UBE3C: variants seen among roughly 807,000 people sequenced by gnomAD.
The protein encoded by UBE3C is ubiquitin protein ligase E3C, also known as ubiquitin-protein ligase E3C.
In UBE3C, 42 loss-of-function variants were observed where a neutral mutation model predicts 129.4. The observed-to-expected ratio is 0.32, with a 90% confidence interval of 0.25 to 0.42. The LOEUF (loss-of-function observed/expected upper bound fraction) is 0.42. Among genes scored for constraint, UBE3C ranks in the 10% least tolerant of loss-of-function variants. The probability of loss-of-function intolerance (pLI) is 1.00; values close to 1 mark genes in which losing one functional copy is unlikely to be tolerated. For synonymous variants in UBE3C, 510 were observed against 492.4 expected (o/e 1.04, Z -0.47); for missense variants, 1,049 against 1,319.1 (o/e 0.80, Z 3.17).
intron 1 of UBE3C, among the ~76,000 whole-genome samples, 172 bp downstream of exon 1, chr7:157,139,510 G>A (rs919125501): frequency 1.3e-5 from 2 of 151,806 alleles, no homozygotes; most frequent in East Asian, 1.9e-4. Flanking sequence ...GGGCCGCTCC[G>A]GCCGGGACTC....
At chr7:157,193,711 T>C (rs1809038304) in intron 10 of UBE3C, among the ~76,000 whole-genome samples, 1 of 152,138 alleles carries the variant, frequency 6.6e-6, no homozygotes, top group Non-Finnish European at 1.5e-5. Context: ...AGCAGACATT[T>C]GAAACTTTTT....
intron 22 of UBE3C, among the ~76,000 whole-genome samples, chr7:157,261,308 A>G (rs1026174148): frequency 0.016 from 27 of 1,732 alleles, 4 homozygotes; most frequent in East Asian, 0.083. Context: ...CTCTGTCTGA[A>G]AAAAAAAAAA....
At chr7:157,142,469 C>A (rs1004176133) in intron 1 of UBE3C, among the ~76,000 whole-genome samples, 1 of 151,992 alleles carries the variant, frequency 6.6e-6, no homozygotes, top group African/African-American at 2.4e-5. Flanking sequence ...TCTAAATTTC[C>A]CTTGGTCCTG....
rs996214548 is a variant in UBE3C at position 157,163,832 on chromosome 7, A to G, written c.89A>G (p.His30Arg). ...TAGGAGGAAAAGGCTTCTCTTTTACATCGTACTCAGGAAGAAAGAAGAAAG... is the reference window on the plus strand; with the variant it reads ...TAGGAGGAAAAGGCTTCTCTTTTACGTCGTACTCAGGAAGAAAGAAGAAAG... ...SRKEEKASLL[H>R]RTQEERRKRE... Residue 30 changes from histidine (H) to arginine (R), a missense_variant, in exon 2 of 23, where the codon CAT (histidine) becomes CGT (arginine). Physicochemically the swap from His to Arg is conservative, Grantham distance 29. Transcript: ENST00000348165. 4 of 1,613,542 alleles carry G rather than the reference A, an allele frequency of 2.5e-6. No individual in the cohort carries two copies. The highest frequency in any genetic ancestry group is 2.2e-5 in the East Asian group (1 of 44,810).
intron 22 of UBE3C, among the ~76,000 whole-genome samples, chr7:157,267,006 G>T (rs1256928216): frequency 6.6e-6 from 1 of 152,156 alleles, no homozygotes; most frequent in African/African-American, 2.4e-5. Context: ...CTCCCAAAGT[G>T]CTGGGACTAC....
intron 2 of UBE3C, chr7:157,164,344 A>C: frequency 4.4e-6 from 2 of 456,304 alleles, no homozygotes; most frequent in South Asian, 3.1e-5. Flanking sequence ...TTTTACATAG[A>C]TAGGGTCTTG....
At chr7:157,166,969 A>T (rs1269419758) in intron 2 of UBE3C, among the ~76,000 whole-genome samples, 1 of 151,442 alleles carries the variant, frequency 6.6e-6, no homozygotes, top group African/African-American at 2.4e-5. Flanking sequence ...TTGCTCTGTC[A>T]CCCAGGCTGG....
chr7:157,175,008 A>T lies in UBE3C; in HGVS notation c.432A>T (p.Ile144=), dbSNP rs1210140034. 1.2e-6 allele frequency: 2 copies of T among 1,612,012 alleles called. No individual in the cohort carries two copies. Among genetic ancestry groups the T allele is most frequent in the Non-Finnish European group, 1.7e-6 (2 of 1,179,156 alleles). The change falls in exon 5 of 23, where the codon ATA becomes ATT. Residue 144 remains isoleucine, a synonymous_variant. Coordinates refer to ENST00000348165, the MANE Select transcript of UBE3C (RefSeq NM_014671.3). ...AGAGACTTACATGCTTATTTCAGAT[A>T]AAAAGATTGATGAGCCTCTGTTGCA... is the stretch of plus-strand genomic sequence containing the variant. ...GSERLTCLFQ[I]KRLMSLCCRL...
At chr7:157,240,306 C>T (rs977800811) in intron 18 of UBE3C, among the ~76,000 whole-genome samples, 1 of 152,124 alleles carries the variant, frequency 6.6e-6, no homozygotes, top group African/African-American at 2.4e-5. Context: ...CCGCCCACCT[C>T]AGCCTCCCAA....
chr7:157,203,937 CTCAAAATATGTGCAT>C (rs1809359294), intron 11 of UBE3C, among the ~76,000 whole-genome samples: 1 of 152,166 alleles, frequency 6.6e-6, no homozygotes, highest in African/African-American at 2.4e-5. Flanking sequence ...CTAAAACGTG[CTCAAAATATGTGCAT>C]TAGCCTACAG....
chr7:157,217,763 G>C (rs1444951212), intron 14 of UBE3C, among the ~76,000 whole-genome samples: 1 of 152,142 alleles, frequency 6.6e-6, no homozygotes, highest in Non-Finnish European at 1.5e-5. Flanking sequence ...CTTGAACCTG[G>C]GAGACAGAGG....
chr7:157,194,270 T>C (rs1278983311), intron 10 of UBE3C, among the ~76,000 whole-genome samples: 4 of 152,364 alleles, frequency 2.6e-5, no homozygotes, highest in African/African-American at 7.2e-5. Context: ...ATTATGGCAC[T>C]GAGAAAACTT....
intron 8 of UBE3C, among the ~76,000 whole-genome samples, chr7:157,183,193 G>A (rs1186218232): frequency 2.0e-5 from 3 of 152,032 alleles, no homozygotes; most frequent in Admixed American, 6.5e-5. Context: ...CCGTCCACCC[G>A]GAGATAATGT....
chr7:157,139,641 G>C (rs1323911897), intron 1 of UBE3C, among the ~76,000 whole-genome samples: 3 of 152,234 alleles, frequency 2.0e-5, no homozygotes, highest in Non-Finnish European at 2.9e-5. Context: ...TGTCCACTGC[G>C]CTTCGGGACC....
chr7:157,207,696 T>A lies in UBE3C; in HGVS notation c.1577-7T>A. 6.2e-7 allele frequency: 1 copy of A among 1,608,878 alleles called. No homozygotes were observed. Among genetic ancestry groups the A allele is most frequent in the South Asian group, 1.1e-5 (1 of 89,842 alleles). ...GAAACAATAGAAAACTGGATTGTGT[T>A]TTTTAGTTGTAGGTCAAAGACAATC... On this transcript the variant is annotated splice_polypyrimidine_tract_variant and splice_region_variant and intron_variant, in intron 12 of 22. Transcript: ENST00000348165.
intron 19 of UBE3C, among the ~76,000 whole-genome samples, chr7:157,250,114 G>A (rs1796584847): frequency 6.6e-6 from 1 of 152,196 alleles, no homozygotes; most frequent in Admixed American, 6.5e-5. Flanking sequence ...GGGGCTATCA[G>A]TTCCAGAGAC....
intron 2 of UBE3C, among the ~76,000 whole-genome samples, chr7:157,165,397 C>CT (rs34554349): frequency 3.5e-3 from 431 of 124,668 alleles, no homozygotes; most frequent in South Asian, 5.7e-3. Context: ...TTAGCATTGA[C>CT]TTTTTTTTTT....
intron 11 of UBE3C, among the ~76,000 whole-genome samples, chr7:157,205,375 C>T (rs1158526910): frequency 6.6e-6 from 1 of 151,956 alleles, no homozygotes; most frequent in Admixed American, 6.6e-5. Context: ...TTTATGCATC[C>T]TGCAATATGT....
intron 22 of UBE3C, among the ~76,000 whole-genome samples, chr7:157,264,695 A>G (rs1797029835): frequency 6.6e-6 from 1 of 152,090 alleles, no homozygotes; most frequent in African/African-American, 2.4e-5. Context: ...CAGCCTCCCG[A>G]GTAATTGGAA....
Sources: allele counts gnomAD v4.1 joint callset (sites outside exome capture counted in the v4.1 genomes callset), GRCh38; gene constraint gnomAD v4.1.1; transcripts MANE v1.5; gene names NCBI Gene and HGNC (gene_info 2026-07-23, HGNC 2026-07-21).